Variants in ALCAM observed in about 807,000 individuals in gnomAD.
The protein encoded by ALCAM is activated leukocyte cell adhesion molecule, also known as CD166 antigen.
A neutral mutation model predicts 70.9 loss-of-function variants in ALCAM; 30 were observed. The observed-to-expected ratio is 0.42, with a 90% confidence interval of 0.32 to 0.57. ALCAM has a LOEUF of 0.57. ALCAM is among the 20% of genes least tolerant of loss of function. The pLI is 0.11. For missense variants in ALCAM, 591 were observed against 695.1 expected (o/e 0.85, Z 1.68); for synonymous variants, 249 against 242.5 (o/e 1.03, Z -0.25).
At chr3:105,461,070 A>G (rs748642905) in intron 1 of ALCAM, among the ~76,000 whole-genome samples, 5 of 151,388 alleles carry the variant, frequency 3.3e-5, no homozygotes, top group Admixed American at 6.6e-5. Flanking sequence ...ACTATGAAGT[A>G]TAATACAGGG....
chr3:105,467,405 C>G (rs960474032), intron 1 of ALCAM, among the ~76,000 whole-genome samples: 2 of 151,008 alleles, frequency 1.3e-5, no homozygotes, highest in Admixed American at 1.3e-4. Context: ...CTAGAAATGT[C>G]TCTGCGTGGA....
chr3:105,393,117 T>A (rs1331833128), intron 1 of ALCAM, among the ~76,000 whole-genome samples: 1 of 151,862 alleles, frequency 6.6e-6, no homozygotes, highest in Non-Finnish European at 1.5e-5. Context: ...GCTTGCGAAT[T>A]TTTTTCTTAT....
chr3:105,497,614 G>A (rs1052871141), intron 1 of ALCAM, among the ~76,000 whole-genome samples: 5 of 152,046 alleles, frequency 3.3e-5, no homozygotes, highest in African/African-American at 1.2e-4. Context: ...CAAATATTTT[G>A]TCCTGCTGTC....
chr3:105,387,291 G>A (rs557930626), intron 1 of ALCAM, among the ~76,000 whole-genome samples: 1 of 151,056 alleles, frequency 6.6e-6, no homozygotes, highest in African/African-American at 2.4e-5. Context: ...ACAAAGCTCA[G>A]AAACATTTCA....
intron 1 of ALCAM, among the ~76,000 whole-genome samples, chr3:105,402,604 G>A (rs748781510): frequency 2.0e-5 from 3 of 152,230 alleles, no homozygotes; most frequent in East Asian, 3.9e-4. Flanking sequence ...GGTGTGGCCC[G>A]TGACTGCTGG....
intron 1 of ALCAM, among the ~76,000 whole-genome samples, chr3:105,455,109 T>TA (rs1937517326): frequency 6.6e-6 from 1 of 152,100 alleles, no homozygotes; most frequent in Non-Finnish European, 1.5e-5. Flanking sequence ...TAAGCTTGGT[T>TA]ATATGTATAG....
rs534510162 is a variant in ALCAM at position 105,440,795 on chromosome 3, A to C, written c.73+73314A>C. 4.6e-5 allele frequency: 7 copies of C among 152,166 alleles called. No homozygotes were observed. In the East Asian group the frequency reaches 1.4e-3, roughly 29 times the overall value. The allele number at this position is 152,166 out of a possible 1,614,324, so 9.4% of individuals were successfully genotyped here. A position where few individuals can be genotyped will look rare whatever the true frequency, so the allele number is the denominator to read the frequency against. The stretch of plus-strand genomic sequence containing the variant: ...ATTACCTCATGGGATAACCAAACAA[A>C]TTTCTTTTCTGTTTAGGCTATCTCT... On this transcript the variant is annotated intron_variant, in intron 1 of 15. Coordinates refer to ENST00000306107, the MANE Select transcript of ALCAM (RefSeq NM_001627.4).
At chr3:105,524,610 C>G in intron 3 of ALCAM, 102 bp downstream of exon 3, 1 of 1,529,536 alleles carries the variant, frequency 6.5e-7, no homozygotes. Flanking sequence ...GTCTCTATAG[C>G]AGGTATCTAT....
chr3:105,487,859 C>A (rs530016438), intron 1 of ALCAM, among the ~76,000 whole-genome samples: 21 of 152,082 alleles, frequency 1.4e-4, no homozygotes, highest in Admixed American at 4.6e-4. Context: ...CCAGATTGAG[C>A]CAACAATGAC....
intron 14 of ALCAM, among the ~76,000 whole-genome samples, chr3:105,566,845 A>G (rs756003119): frequency 2.6e-5 from 4 of 152,114 alleles, no homozygotes; most frequent in Non-Finnish European, 5.9e-5. Context: ...CATATCTACA[A>G]TCTGTATTTT....
intron 1 of ALCAM, among the ~76,000 whole-genome samples, chr3:105,519,528 C>T (rs987345295): frequency 2.6e-5 from 4 of 151,938 alleles, no homozygotes; most frequent in African/African-American, 9.7e-5. Context: ...AAGCCACTTT[C>T]CCCTTATAAA....
intron 1 of ALCAM, among the ~76,000 whole-genome samples, chr3:105,436,754 G>A (rs1576162154): frequency 6.6e-6 from 1 of 152,164 alleles, no homozygotes; most frequent in South Asian, 2.1e-4. Context: ...AATTAAGCAT[G>A]TGCACATCTC....
intron 1 of ALCAM, among the ~76,000 whole-genome samples, chr3:105,385,187 G>T (rs755293682): frequency 3.3e-5 from 5 of 151,540 alleles, no homozygotes; most frequent in Admixed American, 2.0e-4. Context: ...CATGGAAATA[G>T]AATCTAGGGT....
Position 105,533,659 on chromosome 3 carries a change from G to T in ALCAM, c.516G>T (p.Arg172Ser). The T allele has an allele frequency of 6.2e-7, 1 of 1,611,972 alleles. No individual in the cohort carries two copies. The highest frequency in any genetic ancestry group is 8.5e-7 in the Non-Finnish European group (1 of 1,178,528). ...SYPDGNITWY[R>S]NGKVLHPLEG... ...CAGATGGCAATATCACATGGTACAG[G>T]AATGGAAAAGTGCTACATCCCCTTG... Residue 172 changes from arginine to serine, a missense_variant, in exon 5 of 16, where the codon AGG becomes AGT. Arg to Ser is a moderately radical substitution (Grantham distance 110, BLOSUM62 -1). Transcript: ENST00000306107.
intron 1 of ALCAM, among the ~76,000 whole-genome samples, chr3:105,389,371 GTTTT>G (rs371987714): frequency 1.4e-4 from 8 of 58,188 alleles, no homozygotes; most frequent in Admixed American, 1.3e-3. Flanking sequence ...TATATACATA[GTTTT>G]TTTTTTTTTT....
intron 1 of ALCAM, among the ~76,000 whole-genome samples, chr3:105,465,435 G>C (rs921905670): frequency 9.3e-5 from 14 of 151,346 alleles, no homozygotes; most frequent in African/African-American, 3.4e-4. Context: ...ATGATAATTA[G>C]AGCCCTAGTA....
At chr3:105,375,253 C>A (rs1935346049) in intron 1 of ALCAM, among the ~76,000 whole-genome samples, 1 of 152,162 alleles carries the variant, frequency 6.6e-6, no homozygotes, top group African/African-American at 2.4e-5. Context: ...GCCTCATGAG[C>A]TGGTACAATT....
intron 3 of ALCAM, chr3:105,531,456 A>C (rs1939837617): frequency 6.6e-6 from 1 of 152,340 alleles, no homozygotes; most frequent in African/African-American, 2.4e-5. Flanking sequence ...ATTTTAGAAC[A>C]GTGTTTCTCA....
At chr3:105,376,702 C>A (rs1935387460) in intron 1 of ALCAM, among the ~76,000 whole-genome samples, 1 of 152,056 alleles carries the variant, frequency 6.6e-6, no homozygotes, top group Admixed American at 6.6e-5. Flanking sequence ...AACAAAGGGG[C>A]CAGATCTAGT....
Sources: gnomAD v4.1 joint callset for allele counts (sites outside exome capture counted in the v4.1 genomes callset) on GRCh38, gnomAD v4.1.1 for gene constraint, MANE v1.5 for transcripts, NCBI Gene and HGNC (gene_info 2026-07-23, HGNC 2026-07-21) for gene names.